The following PTPN5 variants were observed in gnomAD, a reference collection of about 807,000 sequenced individuals.
PTPN5 encodes the protein tyrosine-protein phosphatase non-receptor type 5.
Under a neutral mutation model 73.9 loss-of-function variants are expected in PTPN5, and 29 were observed. That is an observed-to-expected ratio of 0.39 (90% CI 0.29 to 0.54). The LOEUF is 0.54. Ranked by LOEUF, PTPN5 falls within the 20% of genes least tolerant of loss-of-function variation. The pLI is 0.65. For synonymous variants in PTPN5, 267 were observed against 304.7 expected, an observed-to-expected ratio of 0.88 and a Z score of 1.29; for missense variants, 652 against 751.4, an observed-to-expected ratio of 0.87 and a Z score of 1.55.
chr11:18,769,131 C>T (rs76298453), intron 2 of PTPN5, among the ~76,000 whole-genome samples: 3,081 of 152,288 alleles, frequency 0.02, 107 homozygotes, highest in African/African-American at 0.069. Flanking sequence ...CCAAAGCCAT[C>T]GTCGCATTCA....
chr11:18,781,323 C>CTTT (rs58611404), intron 1 of PTPN5, among the ~76,000 whole-genome samples: 5 of 114,428 alleles, frequency 4.4e-5, no homozygotes, highest in South Asian at 6.0e-4. Context: ...TTTTTGACCA[C>CTTT]TTTTTTTTTT....
intron 1 of PTPN5, among the ~76,000 whole-genome samples, chr11:18,785,300 A>T (rs941267866): frequency 3.9e-5 from 6 of 152,202 alleles, no homozygotes; most frequent in Non-Finnish European, 7.3e-5. Flanking sequence ...ATGTGCCTGG[A>T]GATGCTCATT....
At chr11:18,744,490 C>G (rs1054042594) in intron 3 of PTPN5, 1 of 292,060 alleles carries the variant, frequency 3.4e-6, no homozygotes, top group East Asian at 5.7e-5. Flanking sequence ...TCATTCTTTT[C>G]CATTTCTTAA....
chr11:18,729,298 C>T lies in PTPN5; in HGVS notation c.1604+155G>A, dbSNP rs1249892688. ...CCACTGTCTGGATCCTGCCCCTCTACCCAGCTGTCCTCGCTACTCCTTGTC... is the reference window on the plus strand; with the variant it reads ...CCACTGTCTGGATCCTGCCCCTCTATCCAGCTGTCCTCGCTACTCCTTGTC... On this transcript the variant is annotated intron_variant, in intron 14 of 14. Transcript: ENST00000358540. The surrounding 1 kb of genome is among the most constrained non-coding windows in gnomAD (Gnocchi z 5.2). Among the ~76,000 whole-genome samples the T allele has an allele frequency of 6.6e-6, 1 of 152,158 alleles. No homozygotes were observed. The highest frequency in any genetic ancestry group is 1.5e-5 in the Non-Finnish European group (1 of 68,032).
chr11:18,782,728 A>C (rs1851496243), intron 1 of PTPN5, among the ~76,000 whole-genome samples: 1 of 152,234 alleles, frequency 6.6e-6, no homozygotes, highest in South Asian at 2.1e-4. Flanking sequence ...AAATGCACTG[A>C]ACAGAACACT....
chr11:18,767,672 T>C (rs1040788810), intron 2 of PTPN5, among the ~76,000 whole-genome samples: 2 of 152,234 alleles, frequency 1.3e-5, no homozygotes, highest in African/African-American at 2.4e-5. Flanking sequence ...AGTGGCATGG[T>C]GAACGCTTCT....
At chr11:18,731,875 C>T (rs1387500401) in intron 12 of PTPN5, among the ~76,000 whole-genome samples, 2 of 152,170 alleles carry the variant, frequency 1.3e-5, no homozygotes, top group South Asian at 2.1e-4. Context: ...GCCTGGTTCA[C>T]CTCTTCCAGC....
At chr11:18,750,997 C>T (rs1849862341) in intron 3 of PTPN5, among the ~76,000 whole-genome samples, 2 of 152,136 alleles carry the variant, frequency 1.3e-5, no homozygotes, top group South Asian at 2.1e-4. Flanking sequence ...TGGGTAGGTC[C>T]AGAATCAAAG....
At chr11:18,766,173 C>G (rs114851621) in intron 2 of PTPN5, among the ~76,000 whole-genome samples, 11 of 152,312 alleles carry the variant, frequency 7.2e-5, no homozygotes, top group African/African-American at 2.6e-4. Flanking sequence ...ATTTACTATA[C>G]GCAAGCACTT....
chr11:18,789,056 G>A (rs1851796061), intron 1 of PTPN5, among the ~76,000 whole-genome samples: 1 of 152,176 alleles, frequency 6.6e-6, no homozygotes, highest in African/African-American at 2.4e-5. Flanking sequence ...TCCAGGAATA[G>A]GTCAGGGGGA....
chr11:18,787,021 G>A (rs954176990), intron 1 of PTPN5, among the ~76,000 whole-genome samples: 4 of 152,166 alleles, frequency 2.6e-5, no homozygotes, highest in Non-Finnish European at 4.4e-5. Flanking sequence ...TGTGCGGGGA[G>A]GAGGATGAAG....
intron 3 of PTPN5, among the ~76,000 whole-genome samples, chr11:18,745,908 C>T (rs574236034): frequency 6.6e-6 from 1 of 152,002 alleles, no homozygotes; most frequent in African/African-American, 2.4e-5. Context: ...CTACATTACA[C>T]TTGCCATGGG....
intron 4 of PTPN5, 162 bp downstream of exon 4, chr11:18,743,844 G>T: frequency 1.3e-6 from 1 of 790,836 alleles, no homozygotes; most frequent in Non-Finnish European, 1.9e-6. Context: ...CAGAATTCCA[G>T]CCTTCCCCTT....
chr11:18,791,418 G>C (rs1452936071), intron 1 of PTPN5, 107 bp downstream of exon 1: 6 of 152,078 alleles, frequency 3.9e-5, no homozygotes, highest in Non-Finnish European at 8.8e-5. Context: ...CTCCTCGGCC[G>C]GGAGGGCTGG....
In PTPN5 at chr11:18,732,608, C is replaced by T. The variant is rs776207702; in HGVS notation, c.1313G>A (p.Arg438Gln). Residue 438 changes from arginine (R) to glutamine (Q), a missense_variant, in exon 12 of 15, where the codon CGA becomes CAA. Around this residue, in one of 3 missense-constraint regions of PTPN5, gnomAD observed 102 missense variants for 160.5 expected, o/e 0.64. Coordinates refer to ENST00000358540, the MANE Select transcript of PTPN5 (RefSeq NM_006906.2). ...KVIHTEDYRLRLISLKSGTEE... is the reference protein window; with the variant it reads ...KVIHTEDYRLQLISLKSGTEE... ...AGGCCTCACCTTGAGGGAGATGAGT[C>T]GCAGCCGGTAATCCTCCGTGTGAAT... 5 of 1,613,782 alleles carry T rather than the reference C, an allele frequency of 3.1e-6. No homozygotes were observed. The highest frequency in any genetic ancestry group is 1.7e-5 in the Admixed American group (1 of 60,016).
rs1292604903 is a variant in PTPN5 at position 18,756,749 on chromosome 11, C to T, written c.97+9058G>A. Among the ~76,000 whole-genome samples the T allele has an allele frequency of 2.0e-4, 31 of 151,820 alleles. No individual in the cohort carries two copies. In the East Asian group the frequency reaches 5.3e-3, roughly 26 times the overall value. ...CACCCCGGCTAACACGGTGAAACCCCGTCTCTACTAAAAATAAAAAAAAAA... is the reference window on the plus strand; with the variant it reads ...CACCCCGGCTAACACGGTGAAACCCTGTCTCTACTAAAAATAAAAAAAAAA... On this transcript the variant is annotated intron_variant, in intron 3 of 14. Coordinates refer to ENST00000358540, the MANE Select transcript of PTPN5 (RefSeq NM_006906.2).
Position 18,733,127 on chromosome 11 carries a change from T to C in PTPN5, c.1218+108A>G. 1 of 1,485,832 alleles carries C rather than the reference T, an allele frequency of 6.7e-7. No homozygotes were observed. The highest frequency in any genetic ancestry group is 1.4e-5 in the African/African-American group (1 of 72,470). The allele number at this position is 1,485,832 out of a possible 1,614,324, so 92.0% of individuals were successfully genotyped here. A position where few individuals can be genotyped will look rare whatever the true frequency, so the allele number is the denominator to read the frequency against. On this transcript the variant is annotated intron_variant, in intron 11 of 14. Transcript: ENST00000358540. This position sits in a 1 kb window ranked among gnomAD's most constrained non-coding sequence, Gnocchi z 4.3. ...ACATCTCCTCATCTTGGCAGCGGAGTGAACACCGCCGACCTCTTGAGATTG... is the reference window on the plus strand; with the variant it reads ...ACATCTCCTCATCTTGGCAGCGGAGCGAACACCGCCGACCTCTTGAGATTG...
intron 3 of PTPN5, among the ~76,000 whole-genome samples, chr11:18,757,263 C>T (rs1850199533): frequency 6.6e-6 from 1 of 152,204 alleles, no homozygotes; most frequent in Non-Finnish European, 1.5e-5. Flanking sequence ...AGTGGAAATG[C>T]CTCATGGGAG....
At chr11:18,766,004 A>C in intron 2 of PTPN5, 121 bp from the exon 3 acceptor site, 3 of 753,298 alleles carry the variant, frequency 4.0e-6, no homozygotes, top group Non-Finnish European at 4.6e-6. Flanking sequence ...ACCCCACCCC[A>C]TCAAAGGGAC....
Sources: gnomAD v4.1 joint callset for allele counts (sites outside exome capture counted in the v4.1 genomes callset) on GRCh38, gnomAD v4.1.1 for gene constraint, gnomAD v4.1.1 regional missense constraint, Gnocchi (gnomAD v3.1) non-coding constraint, MANE v1.5 for transcripts, NCBI Gene and HGNC (gene_info 2026-07-23, HGNC 2026-07-21) for gene names.